ABLIM3: variants seen among roughly 807,000 people sequenced by gnomAD.
ABLIM3 encodes the protein actin binding LIM protein family member 3.
In ABLIM3, 61 loss-of-function variants were observed where a neutral mutation model predicts 109.5. The observed-to-expected ratio is 0.56, with a 90% CI of 0.45 to 0.69. The LOEUF (loss-of-function observed/expected upper bound fraction) is 0.69. Among genes scored for constraint, ABLIM3 ranks in the 30% least tolerant of loss-of-function variants. The pLI is 0.00. For synonymous variants in ABLIM3, 300 were observed against 324.8 expected (o/e 0.92, Z 0.82); for missense variants, 796 against 889.5 (o/e 0.89, Z 1.34).
intron 8 of ABLIM3, among the ~76,000 whole-genome samples, chr5:149,225,978 GTGTGTATATA>G (rs1261847415): frequency 4.4e-4 from 11 of 25,090 alleles, no homozygotes; most frequent in East Asian, 1.7e-3. Flanking sequence ...GTGTGTGTGT[GTGTGTATATA>G]TATATATATA....
At chr5:149,154,550 G>A (rs1231526059) in intron 2 of ABLIM3, among the ~76,000 whole-genome samples, 1 of 152,186 alleles carries the variant, frequency 6.6e-6, no homozygotes, top group Non-Finnish European at 1.5e-5. Flanking sequence ...CAGCCTGAGT[G>A]CAAATGTTTT....
At chr5:149,252,088 G>T (rs151194261) in intron 21 of ABLIM3, 113 bp from the exon 22 acceptor site, 45 of 1,216,452 alleles carry the variant, frequency 3.7e-5, no homozygotes, top group East Asian at 1.4e-4. Context: ...GTCAAGAGAA[G>T]GAGACAATAG....
chr5:149,206,011 G>A (rs1758927528), intron 5 of ABLIM3, among the ~76,000 whole-genome samples: 1 of 152,206 alleles, frequency 6.6e-6, no homozygotes, highest in Non-Finnish European at 1.5e-5. Flanking sequence ...ACTCCCAAGT[G>A]TGCATTTGTC....
intron 6 of ABLIM3, 33 bp from the exon 7 acceptor site, chr5:149,210,693 A>G (rs3797317): frequency 6.3e-7 from 1 of 1,596,536 alleles, no homozygotes; most frequent in East Asian, 2.2e-5. Context: ...ATCCTCCCTA[A>G]CTTCCTCATC....
At chr5:149,244,256 A>G (rs1191133250) in intron 15 of ABLIM3, 4 of 152,964 alleles carry the variant, frequency 2.6e-5, no homozygotes, top group African/African-American at 9.6e-5. Context: ...GAGCCAGCAG[A>G]CCGATTCTGA....
rs1165335252 is a variant in ABLIM3, at chr5:149,259,087, G to T, written c.*683G>T. ...GGATTCCTGGTAGGAAAAGGAAAAG[G>T]CCCTTCCCTTCCCTCCACCACTTCC... On this transcript the variant is annotated 3_prime_UTR_variant, in exon 24 of 24. Transcript: ENST00000309868. The T allele has an allele frequency of 3.0e-6, 3 of 1,008,948 alleles. No homozygotes were observed. Among genetic ancestry groups the T allele is most frequent in the Non-Finnish European group, 3.6e-6 (3 of 844,176 alleles). The allele number at this position is 1,008,948 out of a possible 1,614,324, so 62.5% of individuals were successfully genotyped here. A position where few individuals can be genotyped will look rare whatever the true frequency, so the allele number is the denominator to read the frequency against.
intron 6 of ABLIM3, among the ~76,000 whole-genome samples, chr5:149,208,469 A>G (rs1351672155): frequency 1.4e-5 from 2 of 147,576 alleles, no homozygotes; most frequent in African/African-American, 5.1e-5. Flanking sequence ...TGCTGTCTTC[A>G]TGGTGGATTA....
intron 8 of ABLIM3, among the ~76,000 whole-genome samples, chr5:149,223,337 C>T (rs1760849993): frequency 6.6e-6 from 1 of 152,114 alleles, no homozygotes; most frequent in African/African-American, 2.4e-5. Flanking sequence ...AGAATTAGGT[C>T]TAGAGTAGCA....
chr5:149,240,029 G>C lies in ABLIM3; in HGVS notation c.1204+141G>C, dbSNP rs1752648919. 4.0e-6 allele frequency: 5 copies of C among 1,235,280 alleles called. 1 individual carries two copies. The highest frequency in any genetic ancestry group is 3.8e-5 in the South Asian group (2 of 52,220). The allele number at this position is 1,235,280 out of a possible 1,614,324, so 76.5% of individuals were successfully genotyped here. On this transcript the variant is annotated intron_variant, in intron 13 of 23. Transcript: ENST00000309868. ...CCTCTGGAGGCCTATGGCCACCCAG[G>C]TGACCAGCTGGGCCTCTCTGAGTCC...
In ABLIM3 at chr5:149,210,728, A is replaced by G. The variant is rs1279554423; in HGVS notation, c.578A>G (p.Asp193Gly). 1 of 1,613,868 alleles carries G rather than the reference A, an allele frequency of 6.2e-7. No individual in the cohort carries two copies. Among genetic ancestry groups the G allele is most frequent in the Non-Finnish European group, 8.5e-7 (1 of 1,179,842 alleles). The change falls in exon 7 of 24, where the codon GAT becomes GGT. Residue 193 changes from aspartate to glycine, a missense_variant and splice_region_variant. Asp to Gly is a moderately conservative substitution (Grantham distance 94, BLOSUM62 -1). Transcript: ENST00000309868. ...CCTATGTGAACTTCTTCTTGCAGGGATGGTGTTCCATACTGTGAGTCCGAC... is the reference window on the plus strand; with the variant it reads ...CCTATGTGAACTTCTTCTTGCAGGGGTGGTGTTCCATACTGTGAGTCCGAC... ...VILTGEYISK[D>G]GVPYCESDYH... is the part of the protein sequence containing the mutation.
intron 8 of ABLIM3, among the ~76,000 whole-genome samples, chr5:149,222,494 G>A (rs1054830752): frequency 6.6e-6 from 1 of 151,922 alleles, no homozygotes; most frequent in Non-Finnish European, 1.5e-5. Flanking sequence ...TTAGGCAGAG[G>A]GTCCATAGCT....
chr5:149,247,721 G>A (rs1753518786), intron 17 of ABLIM3, 61 bp from the exon 18 acceptor site: 25 of 1,609,950 alleles, frequency 1.6e-5, no homozygotes, highest in Admixed American at 5.0e-5. Context: ...GCCCAAGCCC[G>A]TTCCATCTCA....
intron 9 of ABLIM3, among the ~76,000 whole-genome samples, chr5:149,231,787 C>A (rs952552384): frequency 6.6e-6 from 1 of 152,140 alleles, no homozygotes; most frequent in Non-Finnish European, 1.5e-5. Context: ...ATCTGTGCAC[C>A]ACCTGTTTCA....
chr5:149,217,474 G>C, intron 8 of ABLIM3: 1 of 174,188 alleles, frequency 5.7e-6, no homozygotes, highest in East Asian at 1.6e-4. Context: ...ATGCCAGGCT[G>C]CTGCTCAGGG....
intron 2 of ABLIM3, among the ~76,000 whole-genome samples, chr5:149,149,171 C>T (rs889518356): frequency 5.3e-5 from 8 of 152,122 alleles, no homozygotes; most frequent in Non-Finnish European, 8.8e-5. Flanking sequence ...TATGGATTCT[C>T]GAGTTCAAAC....
chr5:149,240,847 C>T (rs1204957574), intron 14 of ABLIM3, 73 bp downstream of exon 14: 3 of 1,374,070 alleles, frequency 2.2e-6, no homozygotes, highest in Non-Finnish European at 3.1e-6. Context: ...GAGTCACCCC[C>T]TCGATGCCAC....
chr5:149,195,765 C>A (rs1266187283), intron 3 of ABLIM3, among the ~76,000 whole-genome samples: 1 of 152,232 alleles, frequency 6.6e-6, no homozygotes, highest in Non-Finnish European at 1.5e-5. Context: ...GCTCGTGAGA[C>A]CAGACATTGT....
chr5:149,206,919 C>A, intron 5 of ABLIM3, 89 bp from the exon 6 acceptor site: 1 of 1,524,658 alleles, frequency 6.6e-7, no homozygotes, highest in South Asian at 1.3e-5. Flanking sequence ...CACTGGCATT[C>A]AGGGAGGGGT....
intron 12 of ABLIM3, among the ~76,000 whole-genome samples, 160 bp downstream of exon 12, chr5:149,239,437 T>C (rs1247841212): frequency 1.3e-5 from 2 of 152,028 alleles, no homozygotes; most frequent in African/African-American, 2.4e-5. Flanking sequence ...CTGGAGGAAG[T>C]GGTAGTGGCA....
Sources: allele counts gnomAD v4.1 joint callset (sites outside exome capture counted in the v4.1 genomes callset), GRCh38; gene constraint gnomAD v4.1.1; transcripts MANE v1.5; gene names NCBI Gene and HGNC (gene_info 2026-07-23, HGNC 2026-07-21).